SLC25A37: variants seen among roughly 807,000 people sequenced by gnomAD.
SLC25A37 encodes the protein solute carrier family 25 member 37.
In SLC25A37, 17 loss-of-function variants were observed where a neutral mutation model predicts 31.0. That is an observed-to-expected ratio of 0.55 (90% CI 0.38 to 0.82). SLC25A37 has a LOEUF of 0.82. Among genes scored for constraint, SLC25A37 ranks in the 40% least tolerant of loss-of-function variants. The probability of loss-of-function intolerance (pLI) is 0.00; values close to 1 mark genes in which losing one functional copy is unlikely to be tolerated. For missense variants in SLC25A37, 404 were observed against 465.8 expected, an observed-to-expected ratio of 0.87 and a Z score of 1.22; for synonymous variants, 222 against 193.0, an observed-to-expected ratio of 1.15 and a Z score of -1.24.
At chr8:23,560,334 C>A (rs1802482902) in intron 1 of SLC25A37, among the ~76,000 whole-genome samples, 1 of 152,210 alleles carries the variant, frequency 6.6e-6, no homozygotes, top group Non-Finnish European at 1.5e-5. Flanking sequence ...GTGGCCACTT[C>A]TGCCTGCCTT....
chr8:23,571,189 T>A, intron 3 of SLC25A37, 146 bp from the exon 4 acceptor site: 1 of 950,432 alleles, frequency 1.1e-6, no homozygotes. Flanking sequence ...AGACTAGGGC[T>A]GTGTGTGCTG....
At chr8:23,564,896 T>G (rs1284340460) in intron 1 of SLC25A37, among the ~76,000 whole-genome samples, 1 of 152,142 alleles carries the variant, frequency 6.6e-6, no homozygotes, top group Admixed American at 6.5e-5. Context: ...CCTACCTATC[T>G]AATCTACCTA....
chr8:23,542,035 G>C (rs1801907012), intron 1 of SLC25A37, among the ~76,000 whole-genome samples: 1 of 152,204 alleles, frequency 6.6e-6, no homozygotes, highest in Admixed American at 6.5e-5. Context: ...TGGTATTTGT[G>C]AAAATGTAGC....
intron 1 of SLC25A37, among the ~76,000 whole-genome samples, chr8:23,558,992 T>G (rs188664281): frequency 1.3e-5 from 2 of 152,350 alleles, no homozygotes; most frequent in East Asian, 3.9e-4. Flanking sequence ...ACCTGGATGT[T>G]CTTGGCACTT....
At chr8:23,532,496 G>T (rs1801680560) in intron 1 of SLC25A37, among the ~76,000 whole-genome samples, 1 of 152,208 alleles carries the variant, frequency 6.6e-6, no homozygotes, top group Non-Finnish European at 1.5e-5. Context: ...AGCATGCCAG[G>T]TGGGTGGAGG....
Position 23,571,387 on chromosome 8 carries a change from C to G in SLC25A37, c.549C>G (p.Ser183Arg). 2 of 1,612,194 alleles carry G rather than the reference C, an allele frequency of 1.2e-6. No individual in the cohort carries two copies. The highest frequency in any genetic ancestry group is 1.7e-6 in the Non-Finnish European group (2 of 1,178,962). ...ACTCGCAGCACCGGTCAGCAATCAG[C>G]TGCATCCGGACGGTGTGGAGGACCG... ...MYNSQHRSAI[S>R]CIRTVWRTEG... Residue 183 changes from serine to arginine, a missense_variant, in exon 4 of 4, where the codon AGC becomes AGG. Ser to Arg is a moderately radical substitution (Grantham distance 110). Around this residue, in one of 3 missense-constraint regions of SLC25A37, gnomAD observed 243 missense variants for 284.4 expected, o/e 0.85. Transcript: ENST00000519973.
At chr8:23,539,784 A>G (rs1194059091) in intron 1 of SLC25A37, among the ~76,000 whole-genome samples, 1 of 152,264 alleles carries the variant, frequency 6.6e-6, no homozygotes, top group Non-Finnish European at 1.5e-5. Context: ...TATCAGAGGC[A>G]ATGTGCTTGA....
chr8:23,558,150 GAA>G (rs1470129502), intron 1 of SLC25A37, among the ~76,000 whole-genome samples: 1 of 152,218 alleles, frequency 6.6e-6, no homozygotes, highest in Non-Finnish European at 1.5e-5. Flanking sequence ...TTCGAACATG[GAA>G]AGTTTTTTAT....
intron 1 of SLC25A37, among the ~76,000 whole-genome samples, chr8:23,559,684 C>G (rs1290476533): frequency 1.3e-5 from 2 of 152,148 alleles, no homozygotes; most frequent in Non-Finnish European, 2.9e-5. Flanking sequence ...CCTGGCTACC[C>G]CCATTCCACT....
Position 23,571,657 on chromosome 8 carries a change from C to G in SLC25A37, c.819C>G (p.Ala273=). 6.2e-7 allele frequency: 1 copy of G among 1,613,956 alleles called. No individual in the cohort carries two copies. Among genetic ancestry groups the G allele is most frequent in the Non-Finnish European group, 8.5e-7 (1 of 1,179,888 alleles). Reference sequence around the variant, plus strand: ...AGGAGAACGTGGCCCTCTCGCTGGCCAACATCAGCGGCCGGCTGTCGGGTA... The same window carrying G: ...AGGAGAACGTGGCCCTCTCGCTGGCGAACATCAGCGGCCGGCTGTCGGGTA... The part of the protein sequence containing the change: ...NTQENVALSL[A]NISGRLSGMA... Residue 273 remains alanine (A), a synonymous_variant, in exon 4 of 4, where the codon GCC becomes GCG. Transcript: ENST00000519973.
chr8:23,566,451 TA>T, intron 2 of SLC25A37, 115 bp downstream of exon 2: 1 of 1,488,152 alleles, frequency 6.7e-7, no homozygotes, highest in Non-Finnish European at 8.9e-7. Flanking sequence ...TGCTCACGAA[TA>T]AAGAACTCAG....
chr8:23,537,607 A>T (rs1801797411), intron 1 of SLC25A37, among the ~76,000 whole-genome samples: 6 of 152,192 alleles, frequency 3.9e-5, no homozygotes, highest in Admixed American at 3.9e-4. Flanking sequence ...AGCAGTGCCG[A>T]TTCTGCCTCC....
At chr8:23,538,502 T>C (rs1801821951) in intron 1 of SLC25A37, among the ~76,000 whole-genome samples, 1 of 151,572 alleles carries the variant, frequency 6.6e-6, no homozygotes, top group South Asian at 2.1e-4. Context: ...AAAGAAGACT[T>C]TCTTGGCTCC....
intron 1 of SLC25A37, among the ~76,000 whole-genome samples, chr8:23,551,587 A>G (rs1802226949): frequency 6.6e-6 from 1 of 152,034 alleles, no homozygotes; most frequent in Non-Finnish European, 1.5e-5. Context: ...CAAAGGAAAA[A>G]AAAAAAAGCA....
intron 1 of SLC25A37, among the ~76,000 whole-genome samples, chr8:23,543,800 T>A (rs1453555050): frequency 6.6e-6 from 1 of 152,116 alleles, no homozygotes; most frequent in Non-Finnish European, 1.5e-5. Context: ...CCTCCCAAGA[T>A]GCTGGGATTA....
At chr8:23,568,172 G>T (rs1340950802) in intron 2 of SLC25A37, 150 bp from the exon 3 acceptor site, 4 of 792,900 alleles carry the variant, frequency 5.0e-6, no homozygotes, top group Non-Finnish European at 9.1e-6. Context: ...TCACTTCAGG[G>T]TTTTAAGAGT....
At chr8:23,568,193 C>T (rs1802718479) in intron 2 of SLC25A37, 129 bp from the exon 3 acceptor site, 13 of 908,514 alleles carry the variant, frequency 1.4e-5, no homozygotes, top group Non-Finnish European at 1.5e-5. Flanking sequence ...CAGTGCTCAC[C>T]TGGGCGGAGC....
At chr8:23,563,677 C>T (rs76204348) in intron 1 of SLC25A37, among the ~76,000 whole-genome samples, 8,555 of 152,188 alleles carry the variant, frequency 0.056, 299 homozygotes, top group Non-Finnish European at 0.074. Context: ...TGCAGAGTAG[C>T]GAGTTTTTAA....
intron 2 of SLC25A37, chr8:23,567,167 C>T (rs1802686307): frequency 6.6e-6 from 1 of 151,938 alleles, no homozygotes; most frequent in African/African-American, 2.4e-5. Context: ...TCATTTTTTT[C>T]AACAATGGAG....
Sources: allele counts gnomAD v4.1 joint callset (sites outside exome capture counted in the v4.1 genomes callset), GRCh38; gene constraint gnomAD v4.1.1; regional missense constraint gnomAD v4.1.1; transcripts MANE v1.5; gene names NCBI Gene and HGNC (gene_info 2026-07-23, HGNC 2026-07-21).